The following DGKG variants were observed in gnomAD, a reference collection of about 807,000 sequenced individuals.
The protein encoded by DGKG is DAG kinase gamma.
A neutral mutation model predicts 105.3 loss-of-function variants in DGKG; 78 were observed. The ratio of observed to expected loss-of-function variants is 0.74; its 90% CI spans 0.62 to 0.89. The LOEUF (loss-of-function observed/expected upper bound fraction) is 0.89. DGKG is among the 40% of genes least tolerant of loss of function. The probability of loss-of-function intolerance (pLI) is 0.00; values close to 1 mark genes in which losing one functional copy is unlikely to be tolerated. For missense variants in DGKG, 958 were observed against 1,020.1 expected (o/e 0.94, Z 0.83); for synonymous variants, 346 against 367.1 (o/e 0.94, Z 0.66).
In DGKG at chr3:186,305,582, C is replaced by T. The variant is rs140915618; in HGVS notation, c.144+1319G>A. 1.3e-4 allele frequency among the ~76,000 whole-genome samples: 20 copies of T among 152,182 alleles called. No homozygotes were observed. The East Asian group carries it at 2.7e-3, about 21-fold the overall frequency. On this transcript the variant is annotated intron_variant, in intron 3 of 24. Transcript: ENST00000265022. ...TGACAAGCTCTGACATAAGTTTTAA[C>T]GGATTGCTCAGGATGTGTGTGAAGA... is the stretch of plus-strand genomic sequence containing the variant.
chr3:186,150,920 C>T (rs1715730560), intron 24 of DGKG, among the ~76,000 whole-genome samples: 1 of 152,194 alleles, frequency 6.6e-6, no homozygotes, highest in Admixed American at 6.5e-5. Flanking sequence ...TTAATTCCTA[C>T]CTGAGTGTGG....
At chr3:186,198,522 G>A (rs903179571) in intron 21 of DGKG, among the ~76,000 whole-genome samples, 1 of 152,234 alleles carries the variant, frequency 6.6e-6, no homozygotes, top group African/African-American at 2.4e-5. Context: ...TACTTCCAGT[G>A]GGTCAATACT....
chr3:186,235,026 G>A (rs1194244674), intron 20 of DGKG, among the ~76,000 whole-genome samples: 1 of 152,064 alleles, frequency 6.6e-6, no homozygotes, highest in Non-Finnish European at 1.5e-5. Flanking sequence ...TTTGTGTAAC[G>A]TTGAGCACCT....
At chr3:186,152,133 C>T (rs2108467357) in intron 24 of DGKG, among the ~76,000 whole-genome samples, 1 of 152,134 alleles carries the variant, frequency 6.6e-6, no homozygotes, top group South Asian at 2.1e-4. Context: ...AGGATAGAAC[C>T]AGAAGACACT....
Position 186,320,526 on chromosome 3 carries a change from C to G in DGKG, c.-67G>C, listed in dbSNP as rs975595653. On this transcript the variant is annotated 5_prime_UTR_variant, in exon 2 of 25. Coordinates refer to ENST00000265022, the MANE Select transcript of DGKG (RefSeq NM_001346.3). ...TTTGTTCACTAGGCTGAAGTGGAGG[C>G]CCAGCCCAGGGCCTGGCTCATTGCA... The G allele has an allele frequency of 6.2e-7, 1 of 1,612,728 alleles. No individual in the cohort carries two copies. The highest frequency in any genetic ancestry group is 8.5e-7 in the Non-Finnish European group (1 of 1,179,258).
rs558708018 is a variant in DGKG, at chr3:186,230,014, C to T, written c.1826+12490G>A. Among the ~76,000 whole-genome samples the T allele has an allele frequency of 6.4e-4, 98 of 152,292 alleles. 2 individuals are homozygous for T. The Middle Eastern group carries it at 0.014, about 21-fold the overall frequency. ...GTGGCTCACGCCTGTAATCTCAGCA[C>T]TTTGGGAGGCCGAGGCGGGCGGATC... On this transcript the variant is annotated intron_variant, in intron 20 of 24. Transcript: ENST00000265022.
At chr3:186,271,351 C>A (rs536292153) in intron 11 of DGKG, among the ~76,000 whole-genome samples, 1 of 152,300 alleles carries the variant, frequency 6.6e-6, no homozygotes, top group African/African-American at 2.4e-5. Context: ...AATTACCTCT[C>A]AAGCTCTCCC....
At chr3:186,313,918 C>T (rs1249809509) in intron 2 of DGKG, among the ~76,000 whole-genome samples, 1 of 152,014 alleles carries the variant, frequency 6.6e-6, no homozygotes, top group Non-Finnish European at 1.5e-5. Flanking sequence ...TCTCACTCTA[C>T]TGGCCAGCAT....
chr3:186,311,082 C>T (rs1724519017), intron 2 of DGKG, among the ~76,000 whole-genome samples: 1 of 152,150 alleles, frequency 6.6e-6, no homozygotes, highest in South Asian at 2.1e-4. Flanking sequence ...CTCAAACCTG[C>T]CTGCATGTTG....
intron 21 of DGKG, among the ~76,000 whole-genome samples, chr3:186,206,672 G>A (rs1057447295): frequency 2.6e-5 from 4 of 152,134 alleles, no homozygotes; most frequent in Admixed American, 6.5e-5. Flanking sequence ...ATGTCAGAGA[G>A]GAGTACCCTG....
At position 186,147,861 on chromosome 3, in the gene DGKG, T is replaced by A; in HGVS notation, c.*2229A>T. The A allele has an allele frequency of 1.0e-6, 1 of 985,450 alleles. No homozygotes were observed. Among genetic ancestry groups the A allele is most frequent in the Non-Finnish European group, 1.2e-6 (1 of 829,928 alleles). 61.0% of individuals were successfully genotyped at this position (985,450 alleles called of 1,614,324 possible). A position where few individuals can be genotyped will look rare whatever the true frequency, so the allele number is the denominator to read the frequency against. ...CTTCCAAGATAGTACCTGTAGTAATTCTGGAGCTTGTTGGTCCCATCACCA... is the reference window on the plus strand; with the variant it reads ...CTTCCAAGATAGTACCTGTAGTAATACTGGAGCTTGTTGGTCCCATCACCA... On this transcript the variant is annotated 3_prime_UTR_variant, in exon 25 of 25. Transcript: ENST00000265022.
At chr3:186,244,999 T>G (rs1012432939) in intron 19 of DGKG, among the ~76,000 whole-genome samples, 1 of 152,168 alleles carries the variant, frequency 6.6e-6, no homozygotes, top group African/African-American at 2.4e-5. Context: ...AGCACTAATT[T>G]TCGTCTGTCA....
At chr3:186,195,898 G>T (rs965792098) in intron 21 of DGKG, among the ~76,000 whole-genome samples, 1 of 152,140 alleles carries the variant, frequency 6.6e-6, no homozygotes, top group African/African-American at 2.4e-5. Context: ...ATCTCATTAG[G>T]AAGCACATAA....
intron 1 of DGKG, among the ~76,000 whole-genome samples, chr3:186,351,781 C>T (rs1170991696): frequency 4.6e-5 from 7 of 152,204 alleles, no homozygotes; most frequent in African/African-American, 9.7e-5. Flanking sequence ...AGGGACAACA[C>T]GCAAGCAAGA....
chr3:186,260,417 G>T (rs868044136), intron 16 of DGKG, 22 bp downstream of exon 16: 7 of 1,559,758 alleles, frequency 4.5e-6, no homozygotes, highest in African/African-American at 1.4e-5. Flanking sequence ...GAAATAAGAG[G>T]TAAAGATTGT....
At chr3:186,213,901 T>A (rs2108522543) in intron 20 of DGKG, among the ~76,000 whole-genome samples, 2 of 152,326 alleles carry the variant, frequency 1.3e-5, no homozygotes, top group Admixed American at 1.3e-4. Flanking sequence ...TCAGTGCCTT[T>A]CCACAGTCAA....
intron 21 of DGKG, among the ~76,000 whole-genome samples, chr3:186,207,761 C>T (rs1297608365): frequency 6.6e-6 from 1 of 152,242 alleles, no homozygotes; most frequent in Non-Finnish European, 1.5e-5. Context: ...GAGTCACCTT[C>T]TCCCCTGCCT....
intron 20 of DGKG, among the ~76,000 whole-genome samples, chr3:186,232,005 A>C (rs1409385763): frequency 1.3e-5 from 2 of 152,236 alleles, no homozygotes; most frequent in African/African-American, 4.8e-5. Flanking sequence ...CAAATAAAAC[A>C]CAAACTGGTT....
chr3:186,307,095 C>G (rs1054697363), intron 2 of DGKG, 118 bp from the exon 3 acceptor site: 1 of 704,420 alleles, frequency 1.4e-6, no homozygotes, highest in Non-Finnish European at 2.5e-6. Context: ...CCCAGAAAAT[C>G]TGGAGAAATG....
Sources: allele counts gnomAD v4.1 joint callset (sites outside exome capture counted in the v4.1 genomes callset), GRCh38; gene constraint gnomAD v4.1.1; transcripts MANE v1.5; gene names NCBI Gene and HGNC (gene_info 2026-07-23, HGNC 2026-07-21).